The following MPP1 variants were observed in gnomAD, a reference collection of about 807,000 sequenced individuals.
MPP1 encodes MAGUK p55 scaffold protein 1.
MPP1 carries 6 observed loss-of-function variants against 38.2 expected under a neutral mutation model. That is an observed-to-expected ratio of 0.16 (90% CI 0.09 to 0.31). MPP1 has a LOEUF of 0.31. Among genes scored for constraint, MPP1 ranks in the 10% least tolerant of loss-of-function variants. The pLI, the probability that MPP1 is intolerant of heterozygous loss-of-function variation, is 1.00. For missense variants in MPP1, 293 were observed against 368.9 expected (o/e 0.79, Z 1.69); for synonymous variants, 153 against 146.3 (o/e 1.05, Z -0.33).
intron 1 of MPP1, among the ~76,000 whole-genome samples, chrX:154,801,789 A>AAAAAAAAAAAAG: frequency 1.0e-5 from 1 of 98,661 alleles, no homozygotes; most frequent in Non-Finnish European, 2.0e-5. Context: ...AAAAAAAACA[A>AAAAAAAAAAAAG]AAAACAGAAA....
chrX:154,793,092 A>T (rs1404855903), intron 1 of MPP1, among the ~76,000 whole-genome samples: 1 of 112,213 alleles, frequency 8.9e-6, no homozygotes, highest in Non-Finnish European at 1.9e-5. Context: ...AGCGGGGAAA[A>T]ATGGTCTGCA....
chrX:154,785,264 T>A, intron 6 of MPP1, 107 bp from the exon 7 acceptor site: 1 of 543,887 alleles, frequency 1.8e-6, no homozygotes, highest in South Asian at 3.1e-5. Flanking sequence ...GAGTGTCCAT[T>A]ACAGTGGGAG....
rs185221906 is a variant in MPP1, at chrX:154,795,529, C to G, written c.103-3244G>C. ...CCTGTAATCCCAGCACTTTGGGAGG[C>G]TGAGGTGGGAGGATCACCTGAGGTC... On this transcript the variant is annotated intron_variant, in intron 1 of 11. Coordinates refer to ENST00000369534, the MANE Select transcript of MPP1 (RefSeq NM_002436.4). 5.4e-3 allele frequency among the ~76,000 whole-genome samples: 603 copies of G among 111,781 alleles called. 4 individuals are homozygous for G. The highest frequency in any genetic ancestry group is 9.5e-3 in the Non-Finnish European group (502 of 53,113).
rs1167015554 is a variant in MPP1, at chrX:154,779,220, G to A, written c.1358C>T (p.Ala453Val). Residue 453 changes from alanine to valine, a missense_variant, in exon 12 of 12, where the codon GCG becomes GTG. Coordinates refer to ENST00000369534, the MANE Select transcript of MPP1 (RefSeq NM_002436.4). ...AGGCACCCACTGTGGAGAACTGCAC[G>A]CTTGGTCGAAGGCTTCTTGTAATTT... ...LKKLQEAFDQ[A>V]CSSPQWVPVS... The A allele has an allele frequency of 1.2e-5, 14 of 1,211,647 alleles. No homozygotes were observed. The highest frequency in any genetic ancestry group is 1.6e-5 in the Non-Finnish European group (14 of 895,382).
At chrX:154,781,376 AAAAACCTACATAGCTG>A (rs2071996702) in intron 10 of MPP1, 63 bp from the exon 11 acceptor site, 11 of 955,356 alleles carry the variant, frequency 1.2e-5, no homozygotes, top group Non-Finnish European at 1.6e-5. Flanking sequence ...AGTGAAAAAA[AAAAACCTACATAGCTG>A]TCATAATGGA....
At chrX:154,784,619 G>C (rs1460066066) in intron 7 of MPP1, 1 of 244,312 alleles carries the variant, frequency 4.1e-6, no homozygotes. Flanking sequence ...TCTCAGAAAA[G>C]AGAAATGCAG....
chrX:154,794,319 T>C (rs1407118949), intron 1 of MPP1, among the ~76,000 whole-genome samples: 2 of 111,966 alleles, frequency 1.8e-5, no homozygotes, highest in East Asian at 2.8e-4. Flanking sequence ...AAAATGCTCC[T>C]TCTCAGTTTG....
At chrX:154,784,241 G>A (rs1557266958) in intron 7 of MPP1, 133 bp from the exon 8 acceptor site, 1 of 517,047 alleles carries the variant, frequency 1.9e-6, no homozygotes, top group Non-Finnish European at 3.4e-6. Flanking sequence ...AGACGAGGGA[G>A]GTTGGTGTGG....
At chrX:154,788,891 A>G (rs979785772) in intron 5 of MPP1, among the ~76,000 whole-genome samples, 13 of 112,029 alleles carry the variant, frequency 1.2e-4, no homozygotes, top group Admixed American at 3.8e-4. Flanking sequence ...AATATAGATG[A>G]TTCCCATAAA....
At chrX:154,790,266 C>T (rs1370529231) in intron 4 of MPP1, among the ~76,000 whole-genome samples, 2 of 111,466 alleles carry the variant, frequency 1.8e-5, no homozygotes, top group Non-Finnish European at 3.8e-5. Context: ...CGGTGGCTCA[C>T]GCCTGTTGTA....
chrX:154,784,169 A>G (rs2072041348), intron 7 of MPP1, 61 bp from the exon 8 acceptor site: 1 of 946,691 alleles, frequency 1.1e-6, no homozygotes, highest in African/African-American at 1.9e-5. Flanking sequence ...AGTGGTCCAC[A>G]CTCTGAAATG....
intron 7 of MPP1, chrX:154,784,780 C>T (rs1557267000): frequency 2.4e-6 from 1 of 410,031 alleles, no homozygotes; most frequent in South Asian, 2.9e-5. Context: ...TGCCTCACTT[C>T]CCCTCTCCCA....
At chrX:154,780,288 A>G (rs781888390) in intron 11 of MPP1, among the ~76,000 whole-genome samples, 1 of 112,873 alleles carries the variant, frequency 8.9e-6, no homozygotes, top group East Asian at 2.8e-4. Flanking sequence ...GCCAAATTGG[A>G]AAAAAATTGC....
chrX:154,804,939 C>T (rs782307901), intron 1 of MPP1: 4 of 378,270 alleles, frequency 1.1e-5, no homozygotes, highest in African/African-American at 1.0e-4. Context: ...AGACCTACTC[C>T]TTGATGTGTT....
intron 1 of MPP1, among the ~76,000 whole-genome samples, chrX:154,799,351 G>A (rs1480204725): frequency 6.3e-5 from 7 of 111,769 alleles, no homozygotes; most frequent in Admixed American, 3.8e-4. Flanking sequence ...TTTCTCCACC[G>A]TGAACTTGTC....
rs782815229 is a variant in MPP1, at chrX:154,790,933, A to G, written c.411+50T>C. 6.3e-6 allele frequency: 7 copies of G among 1,104,951 alleles called. No homozygotes were observed. The East Asian group carries it at 1.8e-4, about 28-fold the overall frequency. 91.1% of individuals were successfully genotyped at this position (1,104,951 alleles called of 1,213,427 possible). A position where few individuals can be genotyped will look rare whatever the true frequency, so the allele number is the denominator to read the frequency against. On this transcript the variant is annotated intron_variant, in intron 4 of 11. Transcript: ENST00000369534. ...AGGTCACTGATACCAATGTGGATCAACACTTATGGAGACAATGGAAGGTCT... is the reference window on the plus strand; with the variant it reads ...AGGTCACTGATACCAATGTGGATCAGCACTTATGGAGACAATGGAAGGTCT...
chrX:154,781,921 G>A, intron 9 of MPP1, 119 bp from the exon 10 acceptor site: 1 of 669,440 alleles, frequency 1.5e-6, no homozygotes. Flanking sequence ...TTTAATACAG[G>A]GGTTCCTCCC....
Position 154,789,956 on chromosome X carries a change from G to A in MPP1, c.478C>T (p.Gln160Ter). 8.4e-7 allele frequency: 1 copy of A among 1,195,222 alleles called. No homozygotes were observed. The highest frequency in any genetic ancestry group is 1.1e-6 in the Non-Finnish European group (1 of 881,657). ...PNQQSRLPAL[Q>*]MFMRAQFDYD... ...ACAGAGAAAATGGTGCCACCCACCTGTAGTGCAGGAAGACGGCTTTGCTGG... is the reference window on the plus strand; with the variant it reads ...ACAGAGAAAATGGTGCCACCCACCTATAGTGCAGGAAGACGGCTTTGCTGG... Residue 160 changes from glutamine (Q) to a stop codon, truncating the protein, a stop_gained and splice_region_variant, in exon 5 of 12, where the codon CAG becomes TAG. Coordinates refer to ENST00000369534, the MANE Select transcript of MPP1 (RefSeq NM_002436.4). LOFTEE classifies it high-confidence loss of function.
chrX:154,778,861 G>T lies in MPP1; in HGVS notation c.*316C>A. ...TACAGTTGAAGGCAAAGGAGGGCAG[G>T]CTTTAGAGGGATGGGGTCCATTGCT... On this transcript the variant is annotated 3_prime_UTR_variant, in exon 12 of 12. Coordinates refer to ENST00000369534, the MANE Select transcript of MPP1 (RefSeq NM_002436.4). The T allele has an allele frequency of 3.6e-6, 1 of 278,195 alleles. No individual in the cohort carries two copies. Among genetic ancestry groups the T allele is most frequent in the Non-Finnish European group, 6.3e-6 (1 of 158,213 alleles). 22.9% of individuals were successfully genotyped at this position (278,195 alleles called of 1,213,427 possible).
Sources: gnomAD v4.1 joint callset for allele counts (sites outside exome capture counted in the v4.1 genomes callset) on GRCh38, gnomAD v4.1.1 for gene constraint, MANE v1.5 for transcripts, NCBI Gene and HGNC (gene_info 2026-07-23, HGNC 2026-07-21) for gene names.